The following ANKRD46 variants were observed in gnomAD, a reference collection of about 807,000 sequenced individuals.
ANKRD46 encodes ankyrin repeat domain 46, also known as ankyrin repeat domain-containing protein 46.
A neutral mutation model predicts 19.8 loss-of-function variants in ANKRD46; 13 were observed. The ratio of observed to expected loss-of-function variants is 0.66; its 90% CI spans 0.43 to 1.04. The LOEUF (loss-of-function observed/expected upper bound fraction) is 1.04. Among genes scored for constraint, ANKRD46 ranks in the 50% least tolerant of loss-of-function variants. ANKRD46 has a pLI of 0.00. For missense variants in ANKRD46, 185 were observed against 274.8 expected (o/e 0.67, Z 2.31); for synonymous variants, 91 against 106.9 (o/e 0.85, Z 0.92).
chr8:100,526,951 A>G (rs1401560632), intron 4 of ANKRD46, among the ~76,000 whole-genome samples: 2 of 151,944 alleles, frequency 1.3e-5, no homozygotes, highest in Non-Finnish European at 2.9e-5. Flanking sequence ...TACTGGGAAG[A>G]GGCTATGGAA....
At chr8:100,540,740 A>C (rs1481894367) in intron 1 of ANKRD46, among the ~76,000 whole-genome samples, 3 of 152,302 alleles carry the variant, frequency 2.0e-5, no homozygotes, top group Non-Finnish European at 2.9e-5. Flanking sequence ...AATCAAAATT[A>C]ATTGTTCACA....
At chr8:100,540,974 T>TG (rs563456069) in intron 1 of ANKRD46, among the ~76,000 whole-genome samples, 38 of 150,514 alleles carry the variant, frequency 2.5e-4, no homozygotes, top group African/African-American at 7.4e-4. Flanking sequence ...GGCCTAAGGG[T>TG]GCCACCTTGT....
rs1812248768 is a variant in ANKRD46 at position 100,545,208 on chromosome 8, C to T, written c.-130-11897G>A. On this transcript the variant is annotated intron_variant, in intron 1 of 4. Coordinates refer to ENST00000335659, the MANE Select transcript of ANKRD46 (RefSeq NM_001270377.2). The surrounding 1 kb of genome is among the most constrained non-coding windows in gnomAD (Gnocchi z 4.7). ...GGTGTGGTGACGTGCACCTGTAGTCCCAGCTACTCGGGAGGCTGAGGTGGG... is the reference window on the plus strand; with the variant it reads ...GGTGTGGTGACGTGCACCTGTAGTCTCAGCTACTCGGGAGGCTGAGGTGGG... Among the ~76,000 whole-genome samples, 1 of 152,026 alleles carries T rather than the reference C, an allele frequency of 6.6e-6. No individual in the cohort carries two copies. Among genetic ancestry groups the T allele is most frequent in the Non-Finnish European group, 1.5e-5 (1 of 68,016 alleles).
chr8:100,517,282 T>C (rs1242856150), downstream of ANKRD46, among the ~76,000 whole-genome samples: 1 of 152,252 alleles, frequency 6.6e-6, no homozygotes, highest in Non-Finnish European at 1.5e-5. Flanking sequence ...TTACCTTTGC[T>C]GCCCAAGAGT....
At position 100,511,219 on chromosome 8, in the gene ANKRD46, G is replaced by A. The variant is rs530464049; in HGVS notation, c.637-580C>T. 1.8e-4 allele frequency among the ~76,000 whole-genome samples: 27 copies of A among 152,296 alleles called. No homozygotes were observed. Among genetic ancestry groups the A allele is most frequent in the Admixed American group, 4.6e-4 (7 of 15,294 alleles). On this transcript the variant is annotated intron_variant, in intron 5 of 5. Coordinates refer to the ANKRD46 transcript ENST00000520552. The surrounding 1 kb of genome is among the most constrained non-coding windows in gnomAD (Gnocchi z 4.1). ...GGAATATCCCCATTGAACAGATGGT[G>A]TACCTAAGGCTAGGGGAGCAGGGGT...
chr8:100,551,624 A>C, intron 1 of ANKRD46: 2 of 725,674 alleles, frequency 2.8e-6, no homozygotes, highest in Non-Finnish European at 4.8e-6. Flanking sequence ...GATGGTGACA[A>C]TATCCACTTT....
In ANKRD46 at chr8:100,511,138, C is replaced by A. The variant is rs574852436; in HGVS notation, c.637-499G>T. On this transcript the variant is annotated intron_variant, in intron 5 of 5. Coordinates refer to the ANKRD46 transcript ENST00000520552. This position sits in a 1 kb window ranked among gnomAD's most constrained non-coding sequence, Gnocchi z 4.1. ...CAACAGTGTTGAGCGGCTTACACATCGCAGCTGATCCCCTGGTTAGCATTA... is the reference window on the plus strand; with the variant it reads ...CAACAGTGTTGAGCGGCTTACACATAGCAGCTGATCCCCTGGTTAGCATTA... Among the ~76,000 whole-genome samples the A allele has an allele frequency of 1.3e-5, 2 of 152,302 alleles. No individual in the cohort carries two copies. Among genetic ancestry groups the A allele is most frequent in the South Asian group, 4.1e-4 (2 of 4,828 alleles).
intron 1 of ANKRD46, among the ~76,000 whole-genome samples, chr8:100,549,466 T>A (rs992295293): frequency 6.6e-6 from 1 of 152,138 alleles, no homozygotes; most frequent in African/African-American, 2.4e-5. Context: ...CACCAAAAAA[T>A]TGAGAATTCT....
At chr8:100,551,317 C>A in intron 1 of ANKRD46, 1 of 545,244 alleles carries the variant, frequency 1.8e-6, no homozygotes, top group South Asian at 1.6e-5. Flanking sequence ...GGGATCATGC[C>A]CATTATGAAT....
In ANKRD46 at chr8:100,545,828, G is replaced by T. The variant is rs1812262772; in HGVS notation, c.-130-12517C>A. On this transcript the variant is annotated intron_variant, in intron 1 of 4. Coordinates refer to ENST00000335659, the MANE Select transcript of ANKRD46 (RefSeq NM_001270377.2). This position sits in a 1 kb window ranked among gnomAD's most constrained non-coding sequence, Gnocchi z 4.7. ...GAGGTGGTCTCAGAAAGAGATGAGG[G>T]ACTTTTTGGGAACTGGAGTAAAGGT... Among the ~76,000 whole-genome samples, 1 of 152,146 alleles carries T rather than the reference G, an allele frequency of 6.6e-6. No homozygotes were observed. The highest frequency in any genetic ancestry group is 2.1e-4 in the South Asian group (1 of 4,828).
At chr8:100,530,515 C>A (rs915383892) in intron 2 of ANKRD46, among the ~76,000 whole-genome samples, 3 of 152,074 alleles carry the variant, frequency 2.0e-5, no homozygotes, top group African/African-American at 7.2e-5. Context: ...TCCCAAGTAG[C>A]TGGAATTACA....
At chr8:100,515,274 A>C (rs1471488558) in intron 5 of ANKRD46, among the ~76,000 whole-genome samples, 1 of 152,214 alleles carries the variant, frequency 6.6e-6, no homozygotes, top group African/African-American at 2.4e-5. Context: ...AGCCAGTACA[A>C]AATGTGGTAA....
Position 100,524,870 on chromosome 8 carries a change from C to G in ANKRD46, c.471-2099G>C, listed in dbSNP as rs1811810000. Among the ~76,000 whole-genome samples the G allele has an allele frequency of 6.6e-6, 1 of 152,138 alleles. No homozygotes were observed. Among genetic ancestry groups the G allele is most frequent in the African/African-American group, 2.4e-5 (1 of 41,432 alleles). On this transcript the variant is annotated intron_variant, in intron 4 of 4. Transcript: ENST00000335659. The surrounding 1 kb of genome is among the most constrained non-coding windows in gnomAD (Gnocchi z 4.3). ...TCTACTGTCCAGGGAATATCTGATTCTAACATAATGGGGTGTGTGTATAAT... is the reference window on the plus strand; with the variant it reads ...TCTACTGTCCAGGGAATATCTGATTGTAACATAATGGGGTGTGTGTATAAT...
At chr8:100,523,651 T>C (rs939431156) in intron 4 of ANKRD46, among the ~76,000 whole-genome samples, 1 of 151,970 alleles carries the variant, frequency 6.6e-6, no homozygotes, top group African/African-American at 2.4e-5. Context: ...AGAAATTCTT[T>C]TTTTTTTTTG....
downstream of ANKRD46, among the ~76,000 whole-genome samples, chr8:100,519,400 G>A (rs561761572): frequency 1.2e-4 from 18 of 152,334 alleles, 1 homozygote; most frequent in South Asian, 3.5e-3. Context: ...AAGGAGGGCA[G>A]GGCAAGAGCA....
chr8:100,539,937 C>T (rs35848849), intron 1 of ANKRD46, among the ~76,000 whole-genome samples: 5,489 of 152,254 alleles, frequency 0.036, 127 homozygotes, highest in Non-Finnish European at 0.05. Context: ...ATAATTAAAA[C>T]TCTGTTAATC....
At position 100,550,264 on chromosome 8, in the gene ANKRD46, T is replaced by C. The variant is rs1415864059; in HGVS notation, c.-131+9447A>G. Among the ~76,000 whole-genome samples, 1 of 152,224 alleles carries C rather than the reference T, an allele frequency of 6.6e-6. No homozygotes were observed. The stretch of plus-strand genomic sequence containing the variant: ...ATTGTCTCCCAAAGTAGCTGTACCA[T>C]TTGGCATTCCCACTAGCAATGAATA... On this transcript the variant is annotated intron_variant, in intron 1 of 4. Transcript: ENST00000335659. This position sits in a 1 kb window ranked among gnomAD's most constrained non-coding sequence, Gnocchi z 4.4.
chr8:100,530,216 T>C (rs1409491134), intron 2 of ANKRD46, among the ~76,000 whole-genome samples: 1 of 152,216 alleles, frequency 6.6e-6, no homozygotes, highest in Non-Finnish European at 1.5e-5. Context: ...ATCAAAGAAC[T>C]ACCCATATAT....
chr8:100,543,891 T>C lies in ANKRD46; in HGVS notation c.-130-10580A>G, dbSNP rs965443287. On this transcript the variant is annotated intron_variant, in intron 1 of 4. Coordinates refer to ENST00000335659, the MANE Select transcript of ANKRD46 (RefSeq NM_001270377.2). This position sits in a 1 kb window ranked among gnomAD's most constrained non-coding sequence, Gnocchi z 4.2. ...ATTCAAATAGTGTCCTTTCATACCA[T>C]GTCTCTCTGGCCCAAATTTTTCTTT... 6.6e-6 allele frequency among the ~76,000 whole-genome samples: 1 copy of C among 152,188 alleles called. No homozygotes were observed. The highest frequency in any genetic ancestry group is 2.4e-5 in the African/African-American group (1 of 41,450).
Sources: allele counts gnomAD v4.1 joint callset (sites outside exome capture counted in the v4.1 genomes callset), GRCh38; gene constraint gnomAD v4.1.1; non-coding constraint Gnocchi (gnomAD v3.1); transcripts MANE v1.5; gene names NCBI Gene and HGNC (gene_info 2026-07-23, HGNC 2026-07-21).